SLC2A9: variants seen among roughly 807,000 people sequenced by gnomAD.
SLC2A9 encodes the protein solute carrier family 2, facilitated glucose transporter member 9.
SLC2A9 carries 39 observed loss-of-function variants against 50.6 expected under a neutral mutation model. The observed-to-expected ratio is 0.77, with a 90% CI of 0.60 to 1.01. SLC2A9 has a LOEUF of 1.01. Among genes scored for constraint, SLC2A9 ranks in the 50% least tolerant of loss-of-function variants. The pLI is 0.00. For synonymous variants in SLC2A9, 324 were observed against 276.9 expected, an observed-to-expected ratio of 1.17 and a Z score of -1.69; for missense variants, 686 against 677.6, an observed-to-expected ratio of 1.01 and a Z score of -0.14.
intron 2 of SLC2A9, among the ~76,000 whole-genome samples, chr4:10,011,357 C>T (rs191086940): frequency 1.3e-5 from 2 of 152,282 alleles, no homozygotes; most frequent in Non-Finnish European, 2.9e-5. Flanking sequence ...TGTGGGTCTC[C>T]ATCCAGCCCT....
chr4:9,981,781 A>AT (rs1449241057), intron 4 of SLC2A9, among the ~76,000 whole-genome samples: 1 of 152,138 alleles, frequency 6.6e-6, no homozygotes, highest in Admixed American at 6.5e-5. Flanking sequence ...CTGTTGTCCT[A>AT]TTATGGTTTC....
At chr4:9,776,429 C>G (rs1340458301), downstream of SLC2A9, among the ~76,000 whole-genome samples, 1 of 151,958 alleles carries the variant, frequency 6.6e-6, no homozygotes, top group African/African-American at 2.4e-5. Flanking sequence ...CTGCCACTGC[C>G]CTGAGCCTCC....
At chr4:9,815,003 G>A (rs145359792) in intron 3 of SLC2A9, among the ~76,000 whole-genome samples, 193 of 152,148 alleles carry the variant, frequency 1.3e-3, no homozygotes, top group African/African-American at 4.5e-3. Context: ...GAGGTCCTGT[G>A]GTGTAGTGAT....
At chr4:9,888,775 G>A (rs999655500) in intron 9 of SLC2A9, among the ~76,000 whole-genome samples, 2 of 152,120 alleles carry the variant, frequency 1.3e-5, no homozygotes, top group African/African-American at 4.8e-5. Flanking sequence ...AGTGGAGGGC[G>A]AGGGGTACAG....
chr4:9,918,734 C>T (rs1232233297), intron 7 of SLC2A9, among the ~76,000 whole-genome samples: 1 of 152,174 alleles, frequency 6.6e-6, no homozygotes, highest in Non-Finnish European at 1.5e-5. Context: ...GGGTTTCTCA[C>T]TGCAGGTTTG....
At chr4:9,985,993 C>T (rs2109149878) in intron 3 of SLC2A9, among the ~76,000 whole-genome samples, 200 bp from the exon 4 acceptor site, 1 of 152,312 alleles carries the variant, frequency 6.6e-6, no homozygotes, top group South Asian at 2.1e-4. Flanking sequence ...CTTACAAAGG[C>T]ACCATCAGCC....
At chr4:9,845,427 C>CTTTTTTTTTTTTTTTTTTTTTTTTTT (rs1175166447) in intron 10 of SLC2A9, among the ~76,000 whole-genome samples, 8 of 108,678 alleles carry the variant, frequency 7.4e-5, no homozygotes, top group African/African-American at 1.2e-4. Context: ...TCATCAATTT[C>CTTTTTTTTTTTTTTTTTTTTTTTTTT]TTTTTTTTTT....
At chr4:9,932,355 C>T (rs1746305981) in intron 6 of SLC2A9, among the ~76,000 whole-genome samples, 1 of 152,136 alleles carries the variant, frequency 6.6e-6, no homozygotes, top group South Asian at 2.1e-4. Context: ...CCAGGCACTG[C>T]TCTAGGTGCT....
upstream of SLC2A9, among the ~76,000 whole-genome samples, chr4:10,026,361 G>C (rs1553916971): frequency 1.3e-5 from 2 of 152,032 alleles, no homozygotes; most frequent in Admixed American, 6.6e-5. Context: ...TCAACTAAAA[G>C]TTTTTGGCAA....
chr4:9,928,124 A>G (rs1411506816), intron 6 of SLC2A9, among the ~76,000 whole-genome samples: 2 of 152,204 alleles, frequency 1.3e-5, no homozygotes, highest in Non-Finnish European at 2.9e-5. Flanking sequence ...AAAAAAAACA[A>G]AACAAAAGAA....
chr4:9,858,533 T>C (rs2109369226), intron 10 of SLC2A9, among the ~76,000 whole-genome samples: 1 of 152,278 alleles, frequency 6.6e-6, no homozygotes, highest in South Asian at 2.1e-4. Flanking sequence ...GACACTATGC[T>C]GTTTACTTTC....
chr4:10,015,306 GC>G (rs1762438908), intron 2 of SLC2A9, among the ~76,000 whole-genome samples: 1 of 152,204 alleles, frequency 6.6e-6, no homozygotes, highest in Non-Finnish European at 1.5e-5. Flanking sequence ...GTGGTCAGGG[GC>G]AGGAAGGAGG....
At chr4:9,951,872 T>C (rs1196904772) in intron 5 of SLC2A9, among the ~76,000 whole-genome samples, 2 of 152,224 alleles carry the variant, frequency 1.3e-5, no homozygotes, top group African/African-American at 4.8e-5. Context: ...ATTCATTTAA[T>C]GTTTGGATGA....
chr4:9,948,609 T>A (rs1025921040), intron 5 of SLC2A9, among the ~76,000 whole-genome samples: 2 of 152,140 alleles, frequency 1.3e-5, no homozygotes, highest in Admixed American at 1.3e-4. Flanking sequence ...ACAAACTGCA[T>A]CCAATGGCTG....
At chr4:9,894,489 C>T (rs539949119) in intron 8 of SLC2A9, among the ~76,000 whole-genome samples, 60 of 152,250 alleles carry the variant, frequency 3.9e-4, no homozygotes, top group Admixed American at 1.8e-3. Flanking sequence ...TGATTTTCTC[C>T]GGAGAGTTTT....
intron 10 of SLC2A9, among the ~76,000 whole-genome samples, chr4:9,846,077 G>C (rs1003845769): frequency 2.0e-5 from 3 of 152,262 alleles, no homozygotes; most frequent in East Asian, 1.9e-4. Flanking sequence ...AAGAAGTTGC[G>C]ACCCAGAGTA....
chr4:10,019,102 C>T (rs1049087437), intron 1 of SLC2A9, 29 bp from the exon 2 acceptor site: 3 of 1,540,298 alleles, frequency 1.9e-6, no homozygotes, highest in Admixed American at 3.9e-5. Flanking sequence ...ACGTCAGAGC[C>T]GGCACCGGGC....
intron 3 of SLC2A9, among the ~76,000 whole-genome samples, chr4:9,990,830 G>T (rs531744934): frequency 1.3e-5 from 2 of 152,102 alleles, no homozygotes; most frequent in Admixed American, 1.3e-4. Context: ...CAGAGTTCTT[G>T]CCATTCTCAC....
chr4:9,835,047 G>T, intron 10 of SLC2A9, 39 bp from the exon 11 acceptor site: 2 of 1,612,096 alleles, frequency 1.2e-6, no homozygotes, highest in Non-Finnish European at 1.7e-6. Context: ...TAATCACTCT[G>T]AGAAGGTCAT....
Sources: allele counts gnomAD v4.1 joint callset (sites outside exome capture counted in the v4.1 genomes callset), GRCh38; gene constraint gnomAD v4.1.1; transcripts MANE v1.5; gene names NCBI Gene and HGNC (gene_info 2026-07-23, HGNC 2026-07-21).